Variants in NREP observed in about 807,000 individuals in gnomAD.
NREP encodes the protein neuronal regeneration-related protein.
In NREP, 5 loss-of-function variants were observed where a neutral mutation model predicts 8.6. The observed-to-expected ratio is 0.58, with a 90% CI of 0.30 to 1.22. The LOEUF (loss-of-function observed/expected upper bound fraction) is 1.22, where lower values mean the gene tolerates loss of function less well. Among genes scored for constraint, NREP ranks in the 50% most tolerant of loss-of-function variants. The pLI is 0.07. For missense variants in NREP, 86 were observed against 82.5 expected (o/e 1.04, Z -0.17); for synonymous variants, 27 against 28.0 (o/e 0.96, Z 0.11).
At chr5:111,739,493 G>A (rs1749458497) in intron 2 of NREP, 1 of 152,176 alleles carries the variant, frequency 6.6e-6, no homozygotes, top group South Asian at 2.1e-4. Context: ...CCCTATCACT[G>A]AAGCTTTTGA....
At chr5:111,954,249 T>C (rs1468598481) in intron 2 of NREP, among the ~76,000 whole-genome samples, 2 of 152,108 alleles carry the variant, frequency 1.3e-5, no homozygotes, top group East Asian at 3.9e-4. Context: ...TTTATGCCCA[T>C]ATCCAGAGGA....
chr5:111,888,950 A>G (rs1393565889), intron 2 of NREP, among the ~76,000 whole-genome samples: 1 of 152,258 alleles, frequency 6.6e-6, no homozygotes, highest in Non-Finnish European at 1.5e-5. Context: ...AGATTTCCAT[A>G]AATATATAAA....
chr5:111,752,700 C>T (rs1371264487), intron 2 of NREP, among the ~76,000 whole-genome samples: 1 of 152,134 alleles, frequency 6.6e-6, no homozygotes, highest in Admixed American at 6.5e-5. Flanking sequence ...TTAAAGAGAA[C>T]TTATATTGTT....
intron 3 of NREP, chr5:111,734,793 G>A (rs1748950943): frequency 1.5e-6 from 1 of 687,390 alleles, no homozygotes; most frequent in East Asian, 2.7e-5. Context: ...CCCGCTTGAA[G>A]TCAAACAAGT....
In NREP at chr5:111,959,498, T is replaced by G. The variant is rs73787746; in HGVS notation, c.135+15776A>C. ...ATAAACACAGATAGTCTAAACATGA[T>G]TAAAAGGCAAACACAGCATTGAAGA... On this transcript the variant is annotated intron_variant, in intron 2 of 3. Coordinates refer to the NREP transcript ENST00000395634. Among the ~76,000 whole-genome samples the G allele has an allele frequency of 1.5e-3, 235 of 152,164 alleles. 1 individual carries two copies. Among genetic ancestry groups the G allele is most frequent in the African/African-American group, 5.5e-3 (228 of 41,576 alleles).
At chr5:111,745,000 G>T (rs1241236239) in intron 2 of NREP, among the ~76,000 whole-genome samples, 1 of 152,040 alleles carries the variant, frequency 6.6e-6, no homozygotes, top group African/African-American at 2.4e-5. Context: ...AGGAGTAGTT[G>T]GAACCCACAG....
At chr5:111,873,359 G>A (rs1328212927) in intron 2 of NREP, among the ~76,000 whole-genome samples, 1 of 152,034 alleles carries the variant, frequency 6.6e-6, no homozygotes, top group African/African-American at 2.4e-5. Flanking sequence ...TTGCTATATA[G>A]GCCAGAAGTC....
At chr5:111,929,740 A>G (rs1275684109) in intron 2 of NREP, among the ~76,000 whole-genome samples, 4 of 152,162 alleles carry the variant, frequency 2.6e-5, no homozygotes, top group Non-Finnish European at 4.4e-5. Context: ...GTGGCAAACC[A>G]TGTTTTCCAT....
At chr5:111,829,507 C>T (rs1403666482) in intron 2 of NREP, among the ~76,000 whole-genome samples, 1 of 152,184 alleles carries the variant, frequency 6.6e-6, no homozygotes, top group Admixed American at 6.5e-5. Flanking sequence ...CCAATCTGCA[C>T]CCACATATAC....
chr5:111,864,159 C>T (rs1753614225), intron 2 of NREP, among the ~76,000 whole-genome samples: 1 of 152,160 alleles, frequency 6.6e-6, no homozygotes, highest in Non-Finnish European at 1.5e-5. Context: ...ATCCTACTCA[C>T]TGCACCATGT....
chr5:111,742,068 G>A (rs1171049380), intron 2 of NREP, among the ~76,000 whole-genome samples: 1 of 152,124 alleles, frequency 6.6e-6, no homozygotes, highest in East Asian at 1.9e-4. Context: ...TTTCAATAAG[G>A]AAGACAATGA....
At chr5:111,908,684 C>T (rs1330277706) in intron 2 of NREP, among the ~76,000 whole-genome samples, 1 of 151,934 alleles carries the variant, frequency 6.6e-6, no homozygotes, top group Non-Finnish European at 1.5e-5. Flanking sequence ...TGTTGATGGG[C>T]ACCTTGGTTG....
chr5:111,739,896 T>C (rs912779548), intron 2 of NREP, among the ~76,000 whole-genome samples: 4 of 152,124 alleles, frequency 2.6e-5, no homozygotes, highest in African/African-American at 7.2e-5. Flanking sequence ...CAATAAACAA[T>C]TGTTTTTGCC....
intron 2 of NREP, among the ~76,000 whole-genome samples, chr5:111,813,912 C>T (rs1326450141): frequency 6.6e-6 from 1 of 152,048 alleles, no homozygotes; most frequent in Non-Finnish European, 1.5e-5. Context: ...GTGGAACCTG[C>T]TATCCTTTTG....
intron 2 of NREP, among the ~76,000 whole-genome samples, chr5:111,800,672 T>A (rs1300011003): frequency 1.3e-5 from 2 of 152,196 alleles, no homozygotes; most frequent in Non-Finnish European, 2.9e-5. Context: ...GATTTAAAAA[T>A]GAAATTTTCT....
At chr5:111,757,248 GGGGGAGGGAGGGGGA>G, upstream of NREP, 1 of 189,854 alleles carries the variant, frequency 5.3e-6, no homozygotes, top group Non-Finnish European at 6.0e-6. Context: ...AGGGGGGATT[GGGGGAGGGAGGGGGA>G]GGGGAAAGGG....
intron 2 of NREP, among the ~76,000 whole-genome samples, chr5:111,896,454 T>C (rs1415692961): frequency 1.3e-5 from 2 of 152,158 alleles, no homozygotes; most frequent in African/African-American, 2.4e-5. Context: ...CTTGGGTACT[T>C]GAGTCTAAAG....
At chr5:111,750,714 AG>A (rs1283273779) in intron 2 of NREP, among the ~76,000 whole-genome samples, 1 of 152,228 alleles carries the variant, frequency 6.6e-6, no homozygotes, top group African/African-American at 2.4e-5. Flanking sequence ...AACTAAGTGA[AG>A]GCTAGAAAGT....
At chr5:111,872,949 G>A (rs986643116) in intron 2 of NREP, among the ~76,000 whole-genome samples, 1 of 152,106 alleles carries the variant, frequency 6.6e-6, no homozygotes, top group Non-Finnish European at 1.5e-5. Flanking sequence ...GGAACCATCA[G>A]CATTTCAGCC....
Sources: allele counts gnomAD v4.1 joint callset (sites outside exome capture counted in the v4.1 genomes callset), GRCh38; gene constraint gnomAD v4.1.1; transcripts MANE v1.5; gene names NCBI Gene and HGNC (gene_info 2026-07-23, HGNC 2026-07-21).